Variants in POLE observed in about 807,000 individuals in gnomAD.
POLE encodes DNA polymerase epsilon catalytic subunit A.
POLE carries 188 observed loss-of-function variants against 279.2 expected under a neutral mutation model. The ratio of observed to expected loss-of-function variants is 0.67; its 90% CI spans 0.60 to 0.76. The LOEUF is 0.76. Ranked by LOEUF, POLE falls within the 30% of genes least tolerant of loss-of-function variation. The probability of loss-of-function intolerance (pLI) is 0.00; values close to 1 mark genes in which losing one functional copy is unlikely to be tolerated. For synonymous variants in POLE, 1,214 were observed against 1,172.5 expected, an observed-to-expected ratio of 1.04 and a Z score of -0.72; for missense variants, 2,703 against 3,016.7, an observed-to-expected ratio of 0.90 and a Z score of 2.44.
rs2043075625 is a variant in POLE at position 132,677,279 on chromosome 12, G to A, written c.801+84C>T. The A allele has an allele frequency of 2.4e-5, 23 of 946,410 alleles. No individual in the cohort carries two copies. In the South Asian group the frequency reaches 2.7e-4, roughly 11 times the overall value. The allele number at this position is 946,410 out of a possible 1,614,324, so 58.6% of individuals were successfully genotyped here. A position where few individuals can be genotyped will look rare whatever the true frequency, so the allele number is the denominator to read the frequency against. ...GGAAAAGCAGCAAACATATCTTTGA[G>A]TCAGATTCACTCTCCAGCACTGAAG... On this transcript the variant is annotated intron_variant, in intron 8 of 48. Transcript: ENST00000320574.
Position 132,664,554 on chromosome 12 carries a change from G to A in POLE, c.2469-92C>T. The A allele has an allele frequency of 2.1e-6, 2 of 935,322 alleles. No homozygotes were observed. Among genetic ancestry groups the A allele is most frequent in the Non-Finnish European group, 3.4e-6 (2 of 583,492 alleles). 57.9% of individuals were successfully genotyped at this position (935,322 alleles called of 1,614,324 possible). On this transcript the variant is annotated intron_variant, in intron 21 of 48. Transcript: ENST00000320574. This position sits in a 1 kb window ranked among gnomAD's most constrained non-coding sequence, Gnocchi z 5.3. ...GAGGAGTAGGGAGGAGGAAAGGAGA[G>A]ATGCGACAGGGACAAGGGAAGCAGC...
Position 132,677,467 on chromosome 12 carries a change from C to A in POLE, c.721-24G>T, listed in dbSNP as rs766554638. 3 of 1,610,556 alleles carry A rather than the reference C, an allele frequency of 1.9e-6. No homozygotes were observed. Among genetic ancestry groups the A allele is most frequent in the Non-Finnish European group, 2.5e-6 (3 of 1,176,812 alleles). On this transcript the variant is annotated intron_variant, in intron 7 of 48. Coordinates refer to ENST00000320574, the MANE Select transcript of POLE (RefSeq NM_006231.4). ...GCCTGCAAAACACACAGTGTGCTAA[C>A]TAGAGTTCTACATCCAGGAAAGTCT...
Position 132,676,414 on chromosome 12 carries a change from G to C in POLE, c.909+132C>G, listed in dbSNP as rs974440771. On this transcript the variant is annotated intron_variant, in intron 9 of 48. Transcript: ENST00000320574. Reference sequence around the variant, plus strand: ...GTACAGCTGGAGGTCGGAACGGCTTGGTTGCTCCCATTCCTGGACTAACTC... The same window carrying C: ...GTACAGCTGGAGGTCGGAACGGCTTCGTTGCTCCCATTCCTGGACTAACTC... The C allele has an allele frequency of 1.8e-5, 13 of 731,770 alleles. No homozygotes were observed. In the South Asian group the frequency reaches 2.1e-4, roughly 12 times the overall value. The allele number at this position is 731,770 out of a possible 1,614,324, so 45.3% of individuals were successfully genotyped here.
rs1452902479 is a variant in POLE, at chr12:132,661,615, C to G, written c.2776G>C (p.Glu926Gln). The change falls in exon 24 of 49, where the codon GAG becomes CAG. Residue 926 changes from glutamate (E) to glutamine (Q), a missense_variant. Coordinates refer to ENST00000320574, the MANE Select transcript of POLE (RefSeq NM_006231.4). This position sits in a 1 kb window ranked among gnomAD's most constrained non-coding sequence, Gnocchi z 4.1. ...PSSLTYVTRSENSIFFEVDGP... is the reference protein window; with the variant it reads ...PSSLTYVTRSQNSIFFEVDGP... Reference sequence around the variant, plus strand: ...TCAACCTCAAAAAAGATGCTGTTCTCTGAGCGGGTGACGTAGGTGAGTGAG... The same window carrying G: ...TCAACCTCAAAAAAGATGCTGTTCTGTGAGCGGGTGACGTAGGTGAGTGAG... The G allele has an allele frequency of 6.2e-7, 1 of 1,614,190 alleles. No homozygotes were observed. Among genetic ancestry groups the G allele is most frequent in the Non-Finnish European group, 8.5e-7 (1 of 1,180,026 alleles).
At chr12:132,677,218 T>C in intron 8 of POLE, 145 bp downstream of exon 8, 1 of 668,918 alleles carries the variant, frequency 1.5e-6, no homozygotes. Context: ...TGATGAAAAA[T>C]TCTAACTCCA....
At position 132,668,987 on chromosome 12, in the gene POLE, CG is replaced by C; in HGVS notation, c.1795-49del. On this transcript the variant is annotated intron_variant, in intron 16 of 48. Transcript: ENST00000320574. This position sits in a 1 kb window ranked among gnomAD's most constrained non-coding sequence, Gnocchi z 4.0. ...TAGAGGCTGGTGACCAAGCTTGCCT[CG>C]TGTGCAGTTCACCAACCCCTTTTAG... The C allele has an allele frequency of 6.3e-7, 1 of 1,586,184 alleles. No individual in the cohort carries two copies. The highest frequency in any genetic ancestry group is 8.6e-7 in the Non-Finnish European group (1 of 1,161,148).
chr12:132,650,871 CCTTTTTTTT>C (rs1408464478), intron 29 of POLE: 13 of 65,234 alleles, frequency 2.0e-4, no homozygotes, highest in Admixed American at 1.1e-3. Flanking sequence ...CAACTTGTTT[CCTTTTTTTT>C]TTTTTTTTTT....
At chr12:132,655,298 C>T (rs2042507800) in intron 29 of POLE, among the ~76,000 whole-genome samples, 2 of 151,848 alleles carry the variant, frequency 1.3e-5, no homozygotes, top group African/African-American at 2.4e-5. Flanking sequence ...TTTTTTGATC[C>T]ACAAGTTATA....
At chr12:132,626,392 T>G in intron 45 of POLE, 75 bp from the exon 46 acceptor site, 1 of 1,423,938 alleles carries the variant, frequency 7.0e-7, no homozygotes, top group African/African-American at 1.4e-5. Flanking sequence ...CAGAACCCTC[T>G]GGACCTTAGG....
At chr12:132,625,065 G>C in intron 47 of POLE, 71 bp from the exon 48 acceptor site, 9 of 1,149,304 alleles carry the variant, frequency 7.8e-6, no homozygotes, top group Non-Finnish European at 1.0e-5. Flanking sequence ...CTTCTTCACA[G>C]GCTCGCGAGA....
chr12:132,659,570 T>C, intron 25 of POLE, 61 bp from the exon 26 acceptor site: 1 of 1,411,902 alleles, frequency 7.1e-7, no homozygotes, highest in Admixed American at 1.8e-5. Context: ...GAGCTCACCC[T>C]GGACTGTGCT....
chr12:132,675,353 G>C lies in POLE; in HGVS notation c.1226+45C>G. ...AGTCTGCAAGAGGCCTTCAGATCTC[G>C]CTCACGGACAGCAGTGAGGAGCCAT... On this transcript the variant is annotated intron_variant, in intron 12 of 48. Coordinates refer to ENST00000320574, the MANE Select transcript of POLE (RefSeq NM_006231.4). This position sits in a 1 kb window ranked among gnomAD's most constrained non-coding sequence, Gnocchi z 4.3. 1.2e-6 allele frequency: 2 copies of C among 1,600,556 alleles called. No individual in the cohort carries two copies. The highest frequency in any genetic ancestry group is 2.2e-5 in the South Asian group (2 of 89,238).
At chr12:132,660,456 T>A (rs528488662) in intron 25 of POLE, 1 of 152,378 alleles carries the variant, frequency 6.6e-6, no homozygotes, top group Non-Finnish European at 1.5e-5. Context: ...GGGAAACATA[T>A]GCACCGAGAT....
chr12:132,625,419 G>A (rs747179250), intron 47 of POLE: 31 of 759,086 alleles, frequency 4.1e-5, no homozygotes, highest in Middle Eastern at 2.3e-4. Context: ...GCCTCCTTCC[G>A]CTAGAACGAA....
Position 132,668,231 on chromosome 12 carries a change from G to A in POLE, c.2173+125C>T. ...GCACAGCTTACAGTGACCTAGAGCAGCTTCTGGTCTGCTGTGACAACACCT... is the reference window on the plus strand; with the variant it reads ...GCACAGCTTACAGTGACCTAGAGCAACTTCTGGTCTGCTGTGACAACACCT... On this transcript the variant is annotated intron_variant, in intron 19 of 48. Transcript: ENST00000320574. This position sits in a 1 kb window ranked among gnomAD's most constrained non-coding sequence, Gnocchi z 4.0. The A allele has an allele frequency of 9.0e-7, 1 of 1,108,712 alleles. No individual in the cohort carries two copies. The highest frequency in any genetic ancestry group is 1.3e-6 in the Non-Finnish European group (1 of 795,488). The allele number at this position is 1,108,712 out of a possible 1,614,324, so 68.7% of individuals were successfully genotyped here. A position where few individuals can be genotyped will look rare whatever the true frequency, so the allele number is the denominator to read the frequency against.
rs5744799 is a variant in POLE at position 132,668,446 on chromosome 12, A to C, written c.2083T>G (p.Phe695Val). ...GGCCCCTCTGGGAACAAGGGGGGGA[A>C]CTTCTCTGACTCCAGCTGGTGCTGG... The part of the protein sequence containing the change: ...RIQHQLESEK[F>V]PPLFPEGPAR... The change falls in exon 19 of 49, where the codon TTC becomes GTC. Residue 695 changes from phenylalanine (F) to valine (V), a missense_variant. Around this residue, in one of 5 missense-constraint regions of POLE, gnomAD observed 1,011 missense variants for 1,111.7 expected, o/e 0.91. Transcript: ENST00000320574. This position sits in a 1 kb window ranked among gnomAD's most constrained non-coding sequence, Gnocchi z 4.0. 13 of 1,612,366 alleles carry C rather than the reference A, an allele frequency of 8.1e-6. No individual in the cohort carries two copies. Among genetic ancestry groups the C allele is most frequent in the African/African-American group, 6.7e-5 (5 of 74,864 alleles).
At chr12:132,659,828 A>G in intron 25 of POLE, 2 of 302,532 alleles carry the variant, frequency 6.6e-6, no homozygotes, top group South Asian at 3.9e-5. Flanking sequence ...AGTAGCTGAG[A>G]TTACAGGCAC....
chr12:132,625,977 G>C, intron 46 of POLE, 140 bp downstream of exon 46: 1 of 1,094,400 alleles, frequency 9.1e-7, no homozygotes, highest in Non-Finnish European at 1.3e-6. Flanking sequence ...GGCCTGGGAA[G>C]GGGCCTGTTG....
At chr12:132,687,043 C>G (rs1166430813) in intron 1 of POLE, among the ~76,000 whole-genome samples, 1 of 151,684 alleles carries the variant, frequency 6.6e-6, no homozygotes, top group Non-Finnish European at 1.5e-5. Context: ...CGCCTCGTTT[C>G]CCCGCAAAGA....
Sources: allele counts gnomAD v4.1 joint callset (sites outside exome capture counted in the v4.1 genomes callset), GRCh38; gene constraint gnomAD v4.1.1; regional missense constraint gnomAD v4.1.1; non-coding constraint Gnocchi (gnomAD v3.1); transcripts MANE v1.5; gene names NCBI Gene and HGNC (gene_info 2026-07-23, HGNC 2026-07-21).